LDLRAP1: variants seen among roughly 807,000 people sequenced by gnomAD.
LDLRAP1 encodes the protein low density lipoprotein receptor adaptor protein 1.
A neutral mutation model predicts 37.8 loss-of-function variants in LDLRAP1; 30 were observed. The observed-to-expected ratio is 0.79, with a 90% CI of 0.59 to 1.08. LDLRAP1 has a LOEUF of 1.08. LDLRAP1 is among the 50% of genes least tolerant of loss of function. The pLI is 0.00. For missense variants in LDLRAP1, 375 were observed against 401.6 expected, an observed-to-expected ratio of 0.93 and a Z score of 0.57; for synonymous variants, 156 against 169.8, an observed-to-expected ratio of 0.92 and a Z score of 0.63.
chr1:25,551,124 C>T (rs868078984), intron 1 of LDLRAP1, among the ~76,000 whole-genome samples: 1 of 152,122 alleles, frequency 6.6e-6, no homozygotes, highest in Middle Eastern at 3.4e-3. Context: ...GAGAAAGGAT[C>T]AGAGGGAAGT....
chr1:25,551,230 G>A (rs756687876), intron 1 of LDLRAP1, among the ~76,000 whole-genome samples: 6 of 152,150 alleles, frequency 3.9e-5, no homozygotes, highest in Non-Finnish European at 7.4e-5. Context: ...TGGGTCTCAG[G>A]TTGAAATTGG....
At chr1:25,581,846 A>T in the LDLRAP1 span, 3 of 152,314 alleles carry the variant, frequency 2.0e-5, no homozygotes, top group African/African-American at 7.2e-5. Context: ...AGGAGGGGGC[A>T]GCCCCGTAGG....
Position 25,546,765 on chromosome 1 carries a change from A to G in LDLRAP1, c.88+2979A>G, listed in dbSNP as rs2043943578. Among the ~76,000 whole-genome samples, 3 of 152,344 alleles carry G rather than the reference A, an allele frequency of 2.0e-5. No homozygotes were observed. In the South Asian group the frequency reaches 6.2e-4, roughly 32 times the overall value. On this transcript the variant is annotated intron_variant, in intron 1 of 8. Coordinates refer to ENST00000374338, the MANE Select transcript of LDLRAP1 (RefSeq NM_015627.3). ...TATAATCATATTTATAATATTTATA[A>G]TAAAGGATATTGCAAATGAATGTGG... is the stretch of plus-strand genomic sequence containing the variant.
At position 25,563,653 on chromosome 1, in the gene LDLRAP1, C is replaced by T. The variant is rs746302717; in HGVS notation, c.617-8C>T. ...CTCCCACTGACAACCTGACCGGATC[C>T]CTCACAGTGGTCGCCACTGGGAACC... is the stretch of plus-strand genomic sequence containing the variant. On this transcript the variant is annotated splice_polypyrimidine_tract_variant and splice_region_variant and intron_variant, in intron 6 of 8. Coordinates refer to ENST00000374338, the MANE Select transcript of LDLRAP1 (RefSeq NM_015627.3). 6 of 1,613,398 alleles carry T rather than the reference C, an allele frequency of 3.7e-6. No individual in the cohort carries two copies. Among genetic ancestry groups the T allele is most frequent in the Middle Eastern group, 1.7e-4 (1 of 6,060 alleles).
chr1:25,563,009 G>A (rs972000536), intron 5 of LDLRAP1, 61 bp from the exon 6 acceptor site: 4 of 1,516,086 alleles, frequency 2.6e-6, no homozygotes, highest in Non-Finnish European at 2.8e-6. Flanking sequence ...CCTGCCCGGT[G>A]ATTGCTGGGG....
Position 25,567,457 on chromosome 1 carries a change from C to T in LDLRAP1, c.*465C>T, listed in dbSNP as rs1000402428. 1.9e-4 allele frequency: 55 copies of T among 297,272 alleles called. No homozygotes were observed. The highest frequency in any genetic ancestry group is 6.5e-5 in the Non-Finnish European group (10 of 152,848). 18.4% of individuals were successfully genotyped at this position (297,272 alleles called of 1,614,324 possible). On this transcript the variant is annotated 3_prime_UTR_variant, in exon 9 of 9. Transcript: ENST00000374338. ...AGTGATTTTTCCCCCCACCCCCCAG[C>T]ACAGGAGAGCACCCACAGCCGCAGA...
At chr1:25,570,675 C>T (rs966365122), downstream of LDLRAP1, among the ~76,000 whole-genome samples, 9 of 152,124 alleles carry the variant, frequency 5.9e-5, no homozygotes, top group East Asian at 3.9e-4. Context: ...CTGGCTAACA[C>T]GGTGAAACCC....
chr1:25,554,865 G>A lies in LDLRAP1; in HGVS notation c.237G>A (p.Lys79=). Residue 79 remains lysine, a synonymous_variant, in exon 3 of 9, where the codon AAG becomes AAA. Coordinates refer to ENST00000374338, the MANE Select transcript of LDLRAP1 (RefSeq NM_015627.3). This position sits in a 1 kb window ranked among gnomAD's most constrained non-coding sequence, Gnocchi z 5.4. Reference sequence around the variant, plus strand: ...GACTCCTGTCTGCTCCCAAGGCTAAGGCCAGTGGGAAGAAGCTGCAGAAGG... The same window carrying A: ...GACTCCTGTCTGCTCCCAAGGCTAAAGCCAGTGGGAAGAAGCTGCAGAAGG... ...AAIKRIVATA[K]ASGKKLQKVT... 1.2e-6 allele frequency: 2 copies of A among 1,613,578 alleles called. No homozygotes were observed. Among genetic ancestry groups the A allele is most frequent in the South Asian group, 2.2e-5 (2 of 91,014 alleles).
At chr1:25,556,375 C>T (rs2044200191) in intron 3 of LDLRAP1, among the ~76,000 whole-genome samples, 1 of 152,184 alleles carries the variant, frequency 6.6e-6, no homozygotes, top group Non-Finnish European at 1.5e-5. Context: ...AGAGAGGGTG[C>T]TCCATGCAGA....
chr1:25,565,082 C>T, intron 7 of LDLRAP1, 91 bp from the exon 8 acceptor site: 2 of 1,421,120 alleles, frequency 1.4e-6, no homozygotes, highest in Non-Finnish European at 2.0e-6. Context: ...GTCCTGAGTC[C>T]CTGTAGCTTA....
downstream of LDLRAP1, among the ~76,000 whole-genome samples, chr1:25,570,386 T>C (rs2044587825): frequency 1.3e-5 from 2 of 152,118 alleles, no homozygotes; most frequent in African/African-American, 4.8e-5. Flanking sequence ...TCAGCTTCAC[T>C]GGGTGGATGT....
chr1:25,554,909 C>A lies in LDLRAP1; in HGVS notation c.281C>A (p.Pro94Gln), dbSNP rs1209031122. 2 of 1,614,212 alleles carry A rather than the reference C, an allele frequency of 1.2e-6. No homozygotes were observed. The highest frequency in any genetic ancestry group is 1.1e-5 in the South Asian group (1 of 91,088). The change falls in exon 3 of 9, where the codon CCA becomes CAA. Residue 94 changes from proline (P) to glutamine (Q), a missense_variant. Pro to Gln is a moderately conservative substitution (Grantham distance 76). Coordinates refer to ENST00000374338, the MANE Select transcript of LDLRAP1 (RefSeq NM_015627.3). The surrounding 1 kb of genome is among the most constrained non-coding windows in gnomAD (Gnocchi z 5.4). Reference sequence around the variant, plus strand: ...CAGAAGGTGACTCTGAAGGTGTCGCCACGGGGAATTATCCTGACAGACAAC... The same window carrying A: ...CAGAAGGTGACTCTGAAGGTGTCGCAACGGGGAATTATCCTGACAGACAAC... ...KLQKVTLKVS[P>Q]RGIILTDNLT...
At chr1:25,559,279 G>A (rs1373557435) in intron 4 of LDLRAP1, among the ~76,000 whole-genome samples, 1 of 152,164 alleles carries the variant, frequency 6.6e-6, no homozygotes, top group East Asian at 1.9e-4. Flanking sequence ...GGCCCTGGGT[G>A]GGAGGGGCCT....
At chr1:25,550,267 AT>A (rs1287282360) in intron 1 of LDLRAP1, among the ~76,000 whole-genome samples, 1 of 152,182 alleles carries the variant, frequency 6.6e-6, no homozygotes, top group Non-Finnish European at 1.5e-5. Flanking sequence ...TGTTTCCCCC[AT>A]TTTAAAGATG....
intron 1 of LDLRAP1, among the ~76,000 whole-genome samples, chr1:25,547,928 G>A (rs1262159020): frequency 1.3e-5 from 2 of 152,184 alleles, no homozygotes; most frequent in Admixed American, 6.5e-5. Context: ...TGCTTCTCCC[G>A]GGTCTGGGGG....
chr1:25,573,674 G>A (rs1323746155), downstream of LDLRAP1, among the ~76,000 whole-genome samples: 2 of 152,202 alleles, frequency 1.3e-5, no homozygotes, highest in Non-Finnish European at 2.9e-5. Flanking sequence ...CACCTATGTC[G>A]GGAGCTATGC....
the LDLRAP1 span, chr1:25,581,710 A>G: frequency 6.6e-6 from 1 of 152,372 alleles, no homozygotes; most frequent in Non-Finnish European, 1.5e-5. Context: ...AGGGGCAGGG[A>G]CCTGCTGAGT....
chr1:25,577,648 G>T, the LDLRAP1 span, among the ~76,000 whole-genome samples: 1 of 152,228 alleles, frequency 6.6e-6, no homozygotes, highest in African/African-American at 2.4e-5. Flanking sequence ...CCAAGCAGGT[G>T]TGAGGGAAGG....
intron 1 of LDLRAP1, among the ~76,000 whole-genome samples, chr1:25,548,762 C>G (rs1258568103): frequency 6.6e-6 from 1 of 152,190 alleles, no homozygotes; most frequent in Non-Finnish European, 1.5e-5. Flanking sequence ...CAGCCTCGAC[C>G]TCCTGGGCTC....
Sources: allele counts gnomAD v4.1 joint callset (sites outside exome capture counted in the v4.1 genomes callset), GRCh38; gene constraint gnomAD v4.1.1; non-coding constraint Gnocchi (gnomAD v3.1); transcripts MANE v1.5; gene names NCBI Gene and HGNC (gene_info 2026-07-23, HGNC 2026-07-21).